TFCP2L1: variants seen among roughly 807,000 people sequenced by gnomAD.
TFCP2L1 encodes the protein transcription factor CP2-like protein 1.
In TFCP2L1, 12 loss-of-function variants were observed where a neutral mutation model predicts 72.2. That is an observed-to-expected ratio of 0.17 (90% CI 0.11 to 0.27). The LOEUF (loss-of-function observed/expected upper bound fraction) is 0.27. Ranked by LOEUF, TFCP2L1 falls within the 10% of genes least tolerant of loss-of-function variation. TFCP2L1 has a pLI of 1.00. For synonymous variants in TFCP2L1, 260 were observed against 251.0 expected (o/e 1.04, Z -0.34); for missense variants, 488 against 624.6 (o/e 0.78, Z 2.33).
chr2:121,269,918 A>AAAAAAAAAAAAAAAAAAAAT, intron 2 of TFCP2L1, among the ~76,000 whole-genome samples: 18 of 115,156 alleles, frequency 1.6e-4, no homozygotes, highest in East Asian at 7.6e-4. Flanking sequence ...AAAAAAAAAA[A>AAAAAAAAAAAAAAAAAAAAT]ATATATATAT....
chr2:121,228,836 T>G (rs1421986397), intron 13 of TFCP2L1, among the ~76,000 whole-genome samples: 4 of 151,216 alleles, frequency 2.6e-5, no homozygotes, highest in South Asian at 4.2e-4. Context: ...AACGTAATTC[T>G]TAACTGGTGA....
chr2:121,260,140 C>T (rs1253221666), intron 2 of TFCP2L1, among the ~76,000 whole-genome samples: 17 of 152,226 alleles, frequency 1.1e-4, no homozygotes, highest in Admixed American at 9.8e-4. Context: ...ACACTAGGAC[C>T]GTGCCCATTT....
chr2:121,280,009 C>A (rs540880885), intron 2 of TFCP2L1, among the ~76,000 whole-genome samples: 2 of 152,076 alleles, frequency 1.3e-5, no homozygotes, highest in South Asian at 2.1e-4. Context: ...GTGCAAAAAA[C>A]GCATACTCAT....
In TFCP2L1 at chr2:121,250,363, T is replaced by TATACAC. The variant is rs1553433403; in HGVS notation, c.215-717_215-716insGTGTAT. On this transcript the variant is annotated intron_variant, in intron 2 of 14. Coordinates refer to ENST00000263707, the MANE Select transcript of TFCP2L1 (RefSeq NM_014553.3). ...GAAGACTGTTATATATATATATATA[T>TATACAC]ACACACACACACATACATATATGTA... 1.1e-3 allele frequency among the ~76,000 whole-genome samples: 157 copies of TATACAC among 148,166 alleles called. 4 individuals carry two copies. The South Asian group carries it at 0.031, about 30-fold the overall frequency.
chr2:121,276,918 T>C (rs1157991488), intron 2 of TFCP2L1, among the ~76,000 whole-genome samples: 1 of 150,490 alleles, frequency 6.6e-6, no homozygotes, highest in Admixed American at 6.6e-5. Flanking sequence ...GATTTGACCA[T>C]AGACATTTAA....
rs1038406779 is a variant in TFCP2L1 at position 121,250,619 on chromosome 2, T to G, written c.215-972A>C. Among the ~76,000 whole-genome samples the G allele has an allele frequency of 1.9e-3, 283 of 151,496 alleles. 1 individual carries two copies. The highest frequency in any genetic ancestry group is 6.6e-3 in the African/African-American group (273 of 41,426). The stretch of plus-strand genomic sequence containing the variant: ...TGGTATTGGCATATCTTTTTTTTTT[T>G]TTTTTGAGACGGAGTCTCACTCTGT... On this transcript the variant is annotated intron_variant, in intron 2 of 14. Transcript: ENST00000263707.
chr2:121,264,754 T>G (rs1558742178), intron 2 of TFCP2L1, among the ~76,000 whole-genome samples: 1 of 152,212 alleles, frequency 6.6e-6, no homozygotes, highest in Non-Finnish European at 1.5e-5. Flanking sequence ...TGGGACACTC[T>G]GCTTTATGAG....
At chr2:121,254,214 G>A (rs1205105237) in intron 2 of TFCP2L1, among the ~76,000 whole-genome samples, 1 of 152,192 alleles carries the variant, frequency 6.6e-6, no homozygotes, top group African/African-American at 2.4e-5. Flanking sequence ...CTATAGTGCT[G>A]TTCTCTGTTA....
intron 2 of TFCP2L1, among the ~76,000 whole-genome samples, chr2:121,271,458 A>C (rs916747416): frequency 6.6e-6 from 1 of 152,080 alleles, no homozygotes; most frequent in African/African-American, 2.4e-5. Flanking sequence ...AGGAAAAAAC[A>C]AGGGGAAAAC....
chr2:121,274,111 A>G (rs556772524), intron 2 of TFCP2L1, among the ~76,000 whole-genome samples: 1 of 148,604 alleles, frequency 6.7e-6, no homozygotes, highest in African/African-American at 2.5e-5. Flanking sequence ...AAAAAAAAAG[A>G]AAAAAAAAAC....
intron 2 of TFCP2L1, 57 bp downstream of exon 2, chr2:121,281,063 G>C: frequency 1.2e-6 from 2 of 1,607,714 alleles, no homozygotes; most frequent in Non-Finnish European, 8.5e-7. Context: ...TGGGCCTTTC[G>C]CATCAGCTCC....
At chr2:121,276,315 G>C (rs1019608699) in intron 2 of TFCP2L1, among the ~76,000 whole-genome samples, 1 of 126,310 alleles carries the variant, frequency 7.9e-6, no homozygotes. Context: ...AATATGCGGA[G>C]TTTGGTTTTC....
rs534380800 is a variant in TFCP2L1 at position 121,243,496 on chromosome 2, G to A, written c.658-1027C>T. On this transcript the variant is annotated intron_variant, in intron 6 of 14. Transcript: ENST00000263707. Reference sequence around the variant, plus strand: ...CCCCACAACAGAAGGTGAGCAGCAGGTGAGTGAGCGAAGCTTCATCTTCAT... The same window carrying A: ...CCCCACAACAGAAGGTGAGCAGCAGATGAGTGAGCGAAGCTTCATCTTCAT... Among the ~76,000 whole-genome samples, 4 of 152,312 alleles carry A rather than the reference G, an allele frequency of 2.6e-5. No homozygotes were observed. The South Asian group carries it at 6.2e-4, about 24-fold the overall frequency.
intron 10 of TFCP2L1, 55 bp downstream of exon 10, chr2:121,237,568 C>T (rs1226946073): frequency 6.3e-7 from 1 of 1,597,758 alleles, no homozygotes; most frequent in African/African-American, 1.3e-5. Context: ...GGTGGCCAGC[C>T]TTGAAGTGTC....
rs1032698149 is a variant in TFCP2L1, at chr2:121,284,478, A to C, written c.62+570T>G. ...TCCAGCAGAAGAAAGATTTCCATCAAGGGCAATAACCACGCGGGCCTCGGG... is the reference window on the plus strand; with the variant it reads ...TCCAGCAGAAGAAAGATTTCCATCACGGGCAATAACCACGCGGGCCTCGGG... On this transcript the variant is annotated intron_variant, in intron 1 of 14. Coordinates refer to ENST00000263707, the MANE Select transcript of TFCP2L1 (RefSeq NM_014553.3). Among the ~76,000 whole-genome samples the C allele has an allele frequency of 7.9e-5, 12 of 152,326 alleles. 1 individual carries two copies. The South Asian group carries it at 2.5e-3, about 32-fold the overall frequency.
intron 7 of TFCP2L1, among the ~76,000 whole-genome samples, 175 bp downstream of exon 7, chr2:121,242,184 G>A (rs1471265406): frequency 1.3e-5 from 2 of 151,486 alleles, no homozygotes; most frequent in African/African-American, 4.9e-5. Flanking sequence ...TACCTCCCGG[G>A]CCACTGGGTC....
At chr2:121,275,428 A>G (rs1482379386) in intron 2 of TFCP2L1, among the ~76,000 whole-genome samples, 1 of 150,828 alleles carries the variant, frequency 6.6e-6, no homozygotes, top group Non-Finnish European at 1.5e-5. Flanking sequence ...AATAACATGT[A>G]GACATTTTAC....
intron 2 of TFCP2L1, among the ~76,000 whole-genome samples, chr2:121,249,888 T>C (rs543801522): frequency 1.4e-4 from 21 of 152,316 alleles, no homozygotes; most frequent in East Asian, 3.9e-4. Flanking sequence ...CTACTAGAGA[T>C]AGCACCTCTA....
At chr2:121,264,019 C>G (rs920173190) in intron 2 of TFCP2L1, among the ~76,000 whole-genome samples, 42 of 152,184 alleles carry the variant, frequency 2.8e-4, no homozygotes, top group African/African-American at 8.9e-4. Flanking sequence ...GTAGAAAAAC[C>G]AAATCTCCAA....
Sources: gnomAD v4.1 joint callset for allele counts (sites outside exome capture counted in the v4.1 genomes callset) on GRCh38, gnomAD v4.1.1 for gene constraint, MANE v1.5 for transcripts, NCBI Gene and HGNC (gene_info 2026-07-23, HGNC 2026-07-21) for gene names.